The following UMAD1 variants were observed in gnomAD, a reference collection of about 807,000 sequenced individuals.
The protein encoded by UMAD1 is UBAP1-MVB12-associated (UMA) domain containing 1, also known as UBAP1-MVB12-associated (UMA)-domain containing protein 1.
UMAD1 carries 8 observed loss-of-function variants against 6.1 expected under a neutral mutation model. The observed-to-expected ratio is 1.30, with a 90% CI of 0.76 to 2.35. The LOEUF is 2.35. UMAD1 is among the 30% of genes most tolerant of loss of function. The pLI is 0.00. For missense variants in UMAD1, 130 were observed against 78.4 expected (o/e 1.66, Z -2.49); for synonymous variants, 56 against 31.4 (o/e 1.78, Z -2.61).
chr7:7,681,653 A>T (rs1779915597), intron 2 of UMAD1, among the ~76,000 whole-genome samples: 1 of 152,094 alleles, frequency 6.6e-6, no homozygotes, highest in African/African-American at 2.4e-5. Context: ...ACAAAAACAA[A>T]TTGCAGTTTT....
chr7:7,695,859 C>G (rs1780301733), intron 2 of UMAD1, among the ~76,000 whole-genome samples: 1 of 152,106 alleles, frequency 6.6e-6, no homozygotes, highest in South Asian at 2.1e-4. Flanking sequence ...AGTGTGCACA[C>G]TACATCTTAT....
intron 3 of UMAD1, among the ~76,000 whole-genome samples, chr7:7,825,283 G>A (rs970616395): frequency 3.9e-5 from 6 of 152,146 alleles, no homozygotes; most frequent in African/African-American, 9.7e-5. Context: ...ATATTGATAC[G>A]TTAAAGTGTA....
At chr7:7,875,722 C>CAAT (rs2115345899) in intron 3 of UMAD1, among the ~76,000 whole-genome samples, 1 of 152,272 alleles carries the variant, frequency 6.6e-6, no homozygotes, top group Admixed American at 6.5e-5. Context: ...ACAAAAAGCC[C>CAAT]AATAAATCTT....
chr7:7,838,973 A>G (rs1202909227), intron 3 of UMAD1, among the ~76,000 whole-genome samples: 1 of 152,168 alleles, frequency 6.6e-6, no homozygotes, highest in Non-Finnish European at 1.5e-5. Context: ...ATAAACGCAA[A>G]ATTCAGATTA....
At chr7:7,671,367 T>A (rs2115105040) in intron 1 of UMAD1, among the ~76,000 whole-genome samples, 1 of 152,330 alleles carries the variant, frequency 6.6e-6, no homozygotes, top group South Asian at 2.1e-4. Flanking sequence ...ACCCTTAGTC[T>A]CTTTTTTCTG....
chr7:7,769,431 G>A (rs1250907703), intron 2 of UMAD1, among the ~76,000 whole-genome samples: 1 of 152,066 alleles, frequency 6.6e-6, no homozygotes, highest in Admixed American at 6.5e-5. Context: ...GGGGTGGAGG[G>A]GATGCTTGAT....
intron 1 of UMAD1, among the ~76,000 whole-genome samples, chr7:7,650,101 T>G (rs1313975310): frequency 6.6e-6 from 1 of 152,226 alleles, no homozygotes; most frequent in African/African-American, 2.4e-5. Flanking sequence ...CGAAAGTTAC[T>G]TTGGGTCAAG....
At chr7:7,739,008 C>T (rs1209011636) in intron 2 of UMAD1, 1 of 152,100 alleles carries the variant, frequency 6.6e-6, no homozygotes, top group Non-Finnish European at 1.5e-5. Context: ...GGAGAAATTT[C>T]AGGAAAAAGG....
intron 2 of UMAD1, among the ~76,000 whole-genome samples, chr7:7,776,945 C>CA (rs1782219766): frequency 1.3e-5 from 2 of 152,188 alleles, no homozygotes; most frequent in African/African-American, 4.8e-5. Flanking sequence ...TTTATGTATT[C>CA]TTTCAGAGTT....
chr7:7,812,348 CCTG>C (rs1783036607), intron 3 of UMAD1, among the ~76,000 whole-genome samples: 1 of 152,190 alleles, frequency 6.6e-6, no homozygotes, highest in South Asian at 2.1e-4. Flanking sequence ...AACCCGCTAA[CCTG>C]CTGCTTTTGT....
chr7:7,866,713 G>A (rs1439455111), intron 3 of UMAD1, among the ~76,000 whole-genome samples: 2 of 152,192 alleles, frequency 1.3e-5, no homozygotes, highest in African/African-American at 4.8e-5. Flanking sequence ...AAGAGTACAA[G>A]AAATTGGAGG....
rs772862305 is a variant in UMAD1 at position 7,864,749 on chromosome 7, C to G, written c.157-12532C>G. Among the ~76,000 whole-genome samples the G allele has an allele frequency of 6.6e-5, 10 of 151,946 alleles. No individual in the cohort carries two copies. The Middle Eastern group carries it at 0.01, about 156-fold the overall frequency. ...GACCCACTGTACTAATGAGATGGCT[C>G]TTGGTGGTTTCTAGATGGCATCAGA... On this transcript the variant is annotated intron_variant, in intron 3 of 3. Transcript: ENST00000682710.
At chr7:7,829,511 G>A (rs945333404) in intron 3 of UMAD1, among the ~76,000 whole-genome samples, 3 of 145,132 alleles carry the variant, frequency 2.1e-5, no homozygotes, top group Non-Finnish European at 3.0e-5. Flanking sequence ...TTTCCTTTTC[G>A]TAAATATAAA....
intron 2 of UMAD1, among the ~76,000 whole-genome samples, chr7:7,718,828 A>G (rs1290672218): frequency 1.3e-5 from 2 of 152,138 alleles, no homozygotes; most frequent in Non-Finnish European, 2.9e-5. Context: ...TAACTTCTAG[A>G]TTAATTTAAA....
At chr7:7,857,737 T>C (rs1404483911) in intron 3 of UMAD1, among the ~76,000 whole-genome samples, 1 of 152,254 alleles carries the variant, frequency 6.6e-6, no homozygotes, top group East Asian at 1.9e-4. Context: ...AGAATTAGCA[T>C]ATCGAGCTGG....
intron 1 of UMAD1, among the ~76,000 whole-genome samples, chr7:7,644,882 A>C (rs2115544466): frequency 6.6e-6 from 1 of 152,334 alleles, no homozygotes; most frequent in East Asian, 1.9e-4. Context: ...TCAAAATTGC[A>C]CTGTATCCTT....
chr7:7,877,462 C>A lies in UMAD1; in HGVS notation c.338C>A (p.Ser113Tyr). 1 of 717,668 alleles carries A rather than the reference C, an allele frequency of 1.4e-6. No individual in the cohort carries two copies. Among genetic ancestry groups the A allele is most frequent in the South Asian group, 1.5e-5 (1 of 67,600 alleles). The allele number at this position is 717,668 out of a possible 1,614,324, so 44.5% of individuals were successfully genotyped here. ...TITDLPDHLL[S>Y]YDGSENLSRF... ...ACTGACCTTCCCGACCACTTACTCT[C>A]CTATGATGGCAGCGAAAACTTATCA... Residue 113 changes from serine to tyrosine, a missense_variant, in exon 4 of 4, where the codon TCC becomes TAC. Physicochemically the swap from Ser to Tyr is moderately radical, Grantham distance 144. Coordinates refer to ENST00000682710, the MANE Select transcript of UMAD1 (RefSeq NM_001302348.2).
chr7:7,813,737 T>C lies in UMAD1; in HGVS notation c.156+11994T>C, dbSNP rs139520063. ...CATGCTGTTTATTTGTTCATCGAGA[T>C]ATTCTGGCATTTATGACTAGCTCAA... On this transcript the variant is annotated intron_variant, in intron 3 of 3. Coordinates refer to ENST00000682710, the MANE Select transcript of UMAD1 (RefSeq NM_001302348.2). Among the ~76,000 whole-genome samples, 6 of 152,356 alleles carry C rather than the reference T, an allele frequency of 3.9e-5. No individual in the cohort carries two copies. The East Asian group carries it at 1.2e-3, about 29-fold the overall frequency.
intron 3 of UMAD1, among the ~76,000 whole-genome samples, chr7:7,873,529 T>G (rs1305807073): frequency 1.3e-5 from 2 of 152,196 alleles, no homozygotes; most frequent in African/African-American, 4.8e-5. Flanking sequence ...ATAACAAGCT[T>G]TATCATAATA....
Sources: allele counts gnomAD v4.1 joint callset (sites outside exome capture counted in the v4.1 genomes callset), GRCh38; gene constraint gnomAD v4.1.1; transcripts MANE v1.5; gene names NCBI Gene and HGNC (gene_info 2026-07-23, HGNC 2026-07-21).